CRTC3: variants seen among roughly 807,000 people sequenced by gnomAD.
CRTC3 encodes CREB-regulated transcription coactivator 3.
A neutral mutation model predicts 74.5 loss-of-function variants in CRTC3; 26 were observed. The observed-to-expected ratio is 0.35, with a 90% CI of 0.26 to 0.48. The LOEUF (loss-of-function observed/expected upper bound fraction) is 0.48. CRTC3 is among the 20% of genes least tolerant of loss of function. The pLI is 0.99. For missense variants in CRTC3, 760 were observed against 787.3 expected (o/e 0.97, Z 0.41); for synonymous variants, 377 against 325.8 (o/e 1.16, Z -1.69).
intron 2 of CRTC3, among the ~76,000 whole-genome samples, chr15:90,555,699 A>G (rs1205392286): frequency 1.3e-5 from 2 of 151,792 alleles, no homozygotes; most frequent in African/African-American, 4.8e-5. Flanking sequence ...TGTATTTTTA[A>G]TAGAGACGGG....
At chr15:90,632,230 T>C (rs1196936046) in intron 11 of CRTC3, among the ~76,000 whole-genome samples, 5 of 152,210 alleles carry the variant, frequency 3.3e-5, no homozygotes, top group Non-Finnish European at 2.9e-5. Context: ...TTTAGCTACA[T>C]TTTAAGGAGA....
chr15:90,635,246 G>A (rs1969190817), intron 11 of CRTC3, among the ~76,000 whole-genome samples: 1 of 152,084 alleles, frequency 6.6e-6, no homozygotes, highest in Admixed American at 6.5e-5. Flanking sequence ...CTGAGAAGCT[G>A]GCTGGCAGCT....
At chr15:90,607,264 G>T in intron 5 of CRTC3, 114 bp from the exon 6 acceptor site, 1 of 655,570 alleles carries the variant, frequency 1.5e-6, no homozygotes. Flanking sequence ...TTTGATGGTT[G>T]ATTATAAATC....
chr15:90,551,075 G>C (rs1755691383), intron 2 of CRTC3, among the ~76,000 whole-genome samples: 1 of 152,084 alleles, frequency 6.6e-6, no homozygotes, highest in Non-Finnish European at 1.5e-5. Context: ...ATGCCATCTG[G>C]ACAGTGTTGG....
chr15:90,594,598 C>T (rs188582799), intron 3 of CRTC3: 1 of 152,342 alleles, frequency 6.6e-6, no homozygotes, highest in East Asian at 1.9e-4. Context: ...GTTGGCTTCA[C>T]AAGCCTAGAA....
chr15:90,609,217 G>C (rs1221958048), intron 6 of CRTC3, among the ~76,000 whole-genome samples: 1 of 152,182 alleles, frequency 6.6e-6, no homozygotes, highest in East Asian at 1.9e-4. Context: ...TTTCAGAATT[G>C]GTTAGGGACA....
intron 2 of CRTC3, among the ~76,000 whole-genome samples, chr15:90,545,165 TG>T (rs1436974069): frequency 6.6e-6 from 1 of 152,208 alleles, no homozygotes; most frequent in Non-Finnish European, 1.5e-5. Flanking sequence ...TGTTATAGTC[TG>T]TGACATGATT....
intron 9 of CRTC3, among the ~76,000 whole-genome samples, chr15:90,623,756 C>T (rs1156404384): frequency 1.3e-5 from 2 of 152,146 alleles, no homozygotes; most frequent in Non-Finnish European, 2.9e-5. Context: ...GTCAGCCTCT[C>T]ATCAGTCCCA....
intron 2 of CRTC3, among the ~76,000 whole-genome samples, chr15:90,552,211 T>G (rs762015603): frequency 4.6e-5 from 7 of 152,192 alleles, no homozygotes; most frequent in Non-Finnish European, 8.8e-5. Context: ...GCCCAGTTAG[T>G]CCTCGTTTAA....
At position 90,643,729 on chromosome 15, in the gene CRTC3, G is replaced by T. The variant is rs765507267; in HGVS notation, c.*1589G>T. The T allele has an allele frequency of 4.4e-6, 1 of 227,218 alleles. No homozygotes were observed. Among genetic ancestry groups the T allele is most frequent in the East Asian group, 6.2e-5 (1 of 16,038 alleles). 14.1% of individuals were successfully genotyped at this position (227,218 alleles called of 1,614,324 possible). ...AAGGGGGCAGAGCACTGCAGGGGGA[G>T]GGGGGGGTCTAGGCTGTGAGAGGAC... On this transcript the variant is annotated 3_prime_UTR_variant, in exon 15 of 15. Transcript: ENST00000268184.
chr15:90,566,354 A>G (rs948252833), intron 2 of CRTC3, among the ~76,000 whole-genome samples: 1 of 152,060 alleles, frequency 6.6e-6, no homozygotes, highest in Non-Finnish European at 1.5e-5. Flanking sequence ...GTTTGAGACC[A>G]TCCTGGCCAA....
At chr15:90,621,386 G>A (rs1268503934) in intron 9 of CRTC3, among the ~76,000 whole-genome samples, 1 of 152,110 alleles carries the variant, frequency 6.6e-6, no homozygotes, top group East Asian at 1.9e-4. Context: ...GCAGTGGCAT[G>A]CTCTTGGCTC....
intron 2 of CRTC3, among the ~76,000 whole-genome samples, chr15:90,569,094 G>A (rs984034929): frequency 9.9e-5 from 15 of 151,306 alleles, no homozygotes; most frequent in African/African-American, 3.4e-4. Flanking sequence ...CTGGGCTCAA[G>A]CAGTCTTCCC....
rs750831806 is a variant in CRTC3, at chr15:90,638,553, C to T, written c.1374C>T (p.Leu458=). 1 of 1,613,344 alleles carries T rather than the reference C, an allele frequency of 6.2e-7. No homozygotes were observed. Among genetic ancestry groups the T allele is most frequent in the Non-Finnish European group, 8.5e-7 (1 of 1,179,844 alleles). Residue 458 remains leucine, a synonymous_variant, in exon 12 of 15, where the codon CTC becomes CTT. Transcript: ENST00000268184. ...YPAPQELTQP[L]LQQPRAPEAP... is the part of the protein sequence containing the mutation. ...CACCCCAGGAGCTCACCCAGCCCCT[C>T]CTGCAGCAGCCCCGCGCCCCTGAGG...
Position 90,629,325 on chromosome 15 carries a change from T to C in CRTC3, c.1059T>C (p.Ser353=), listed in dbSNP as rs1968951669. 1 of 1,614,040 alleles carries C rather than the reference T, an allele frequency of 6.2e-7. No homozygotes were observed. Among genetic ancestry groups the C allele is most frequent in the Non-Finnish European group, 8.5e-7 (1 of 1,180,024 alleles). The change falls in exon 11 of 15, where the codon TCT becomes TCC. Residue 353 remains serine (S), a synonymous_variant. Coordinates refer to ENST00000268184, the MANE Select transcript of CRTC3 (RefSeq NM_022769.5). ...SSSLNNHPQT[S]VPNASALHPS... ...CCTTAAATAACCACCCACAGACATC[T>C]GTTCCCAACGCATCTGCTCTTCACC...
intron 8 of CRTC3, 64 bp from the exon 9 acceptor site, chr15:90,619,677 A>G (rs1968589483): frequency 1.4e-6 from 2 of 1,415,962 alleles, no homozygotes; most frequent in Non-Finnish European, 2.0e-6. Context: ...TTACGAAGAC[A>G]CTTTTCAAAA....
intron 11 of CRTC3, among the ~76,000 whole-genome samples, chr15:90,635,535 C>T (rs546452037): frequency 6.6e-6 from 1 of 152,286 alleles, no homozygotes; most frequent in Non-Finnish European, 1.5e-5. Flanking sequence ...ATCTCAGCTA[C>T]TCGGGAGACT....
chr15:90,554,148 T>C (rs967635171), intron 2 of CRTC3, among the ~76,000 whole-genome samples: 6 of 152,104 alleles, frequency 3.9e-5, no homozygotes, highest in Non-Finnish European at 8.8e-5. Context: ...TGAGTTGTTA[T>C]ACATAACACC....
At chr15:90,539,491 T>A (rs1046426177) in intron 1 of CRTC3, 1 of 152,396 alleles carries the variant, frequency 6.6e-6, no homozygotes, top group Non-Finnish European at 1.5e-5. Flanking sequence ...ATCCAGAGAT[T>A]TAGTAATCAC....
Sources: allele counts gnomAD v4.1 joint callset (sites outside exome capture counted in the v4.1 genomes callset), GRCh38; gene constraint gnomAD v4.1.1; transcripts MANE v1.5; gene names NCBI Gene and HGNC (gene_info 2026-07-23, HGNC 2026-07-21).